The following WFDC8 variants were observed in gnomAD, a reference collection of about 807,000 sequenced individuals.
WFDC8 encodes WAP four-disulfide core domain protein 8.
Under a neutral mutation model 27.0 loss-of-function variants are expected in WFDC8, and 24 were observed. The ratio of observed to expected loss-of-function variants is 0.89; its 90% CI spans 0.64 to 1.25. WFDC8 has a LOEUF of 1.25. Among genes scored for constraint, WFDC8 ranks in the 50% most tolerant of loss-of-function variants. The pLI is 0.00. For missense variants in WFDC8, 287 were observed against 295.9 expected, an observed-to-expected ratio of 0.97 and a Z score of 0.22; for synonymous variants, 106 against 99.7, an observed-to-expected ratio of 1.06 and a Z score of -0.38.
chr20:45,559,051 A>T, intron 2 of WFDC8, 59 bp from the exon 3 acceptor site: 2 of 1,601,446 alleles, frequency 1.2e-6, no homozygotes, highest in African/African-American at 2.7e-5. Context: ...TTTTTCTCCT[A>T]TGGCAAAGGT....
At chr20:45,577,683 C>T (rs1398562644) in intron 1 of WFDC8, among the ~76,000 whole-genome samples, 1 of 148,246 alleles carries the variant, frequency 6.7e-6, no homozygotes, top group Non-Finnish European at 1.5e-5. Flanking sequence ...CAGGCATGAG[C>T]CACCGCGCCT....
intron 4 of WFDC8, among the ~76,000 whole-genome samples, chr20:45,555,020 C>T (rs1980187943): frequency 6.6e-6 from 1 of 152,220 alleles, no homozygotes; most frequent in African/African-American, 2.4e-5. Flanking sequence ...CACGGGACCA[C>T]CACTCTATCA....
At chr20:45,565,021 A>AAAGG (rs1555798554) in intron 1 of WFDC8, among the ~76,000 whole-genome samples, 3 of 146,648 alleles carry the variant, frequency 2.0e-5, no homozygotes, top group South Asian at 2.2e-4. Flanking sequence ...AAAGAGAAAG[A>AAAGG]AAGGAAGGAA....
At chr20:45,564,691 A>T (rs1207123981) in intron 1 of WFDC8, among the ~76,000 whole-genome samples, 1 of 140,798 alleles carries the variant, frequency 7.1e-6, no homozygotes, top group East Asian at 2.0e-4. Context: ...AAAAAAAAAA[A>T]CTTAGCCCAG....
At chr20:45,579,115 G>C (rs1981146926) in intron 1 of WFDC8, 107 bp downstream of exon 1, 1 of 1,086,268 alleles carries the variant, frequency 9.2e-7, no homozygotes. Context: ...ACTATGCTTG[G>C]CCCAACTCCC....
At chr20:45,555,588 A>C in intron 4 of WFDC8, 113 bp downstream of exon 4, 1 of 1,226,488 alleles carries the variant, frequency 8.2e-7, no homozygotes, top group Non-Finnish European at 1.1e-6. Flanking sequence ...AGTGAATGAC[A>C]GAGCTAAGTC....
intron 1 of WFDC8, among the ~76,000 whole-genome samples, chr20:45,572,396 C>CAA (rs768958375): frequency 0.021 from 1,012 of 49,140 alleles, 25 homozygotes; most frequent in Admixed American, 0.1. Context: ...GAATCCATCT[C>CAA]AAAAAAAAAA....
At chr20:45,553,616 T>A (rs1039121806) in intron 4 of WFDC8, among the ~76,000 whole-genome samples, 1 of 152,328 alleles carries the variant, frequency 6.6e-6, no homozygotes, top group Non-Finnish European at 1.5e-5. Context: ...GAAATGGGGA[T>A]CCATCACACT....
chr20:45,576,452 C>T (rs1166864309), intron 1 of WFDC8, among the ~76,000 whole-genome samples: 1 of 150,920 alleles, frequency 6.6e-6, no homozygotes, highest in South Asian at 2.1e-4. Flanking sequence ...CAGGGCGGAG[C>T]GCAGTGGCAC....
At chr20:45,553,429 G>T (rs1303978626) in intron 4 of WFDC8, among the ~76,000 whole-genome samples, 153 bp from the exon 5 acceptor site, 1 of 152,150 alleles carries the variant, frequency 6.6e-6, no homozygotes, top group South Asian at 2.1e-4. Context: ...AGAATGAAAT[G>T]TCTCATCATA....
In WFDC8 at chr20:45,551,881, G is replaced by T; in HGVS notation, c.*145C>A. On this transcript the variant is annotated 3_prime_UTR_variant, in exon 6 of 6. Transcript: ENST00000289953. ...AATATATCATCACTTTCAGATGATG[G>T]GATTATATATAAAATCAAAGTAACA... 1.0e-6 allele frequency: 1 copy of T among 997,944 alleles called. No individual in the cohort carries two copies. 61.8% of individuals were successfully genotyped at this position (997,944 alleles called of 1,614,324 possible).
At chr20:45,561,739 CGTGTGTGTGTGTGTGTGTGTGT>C (rs10534885) in intron 2 of WFDC8, among the ~76,000 whole-genome samples, 2 of 147,850 alleles carry the variant, frequency 1.4e-5, no homozygotes, top group South Asian at 2.2e-4. Context: ...ATTAAACTTG[CGTGTGTGTGTGTGTGTGTGTGT>C]GTGTGTGTGT....
intron 1 of WFDC8, 124 bp from the exon 2 acceptor site, chr20:45,562,343 C>A: frequency 2.7e-6 from 2 of 736,840 alleles, no homozygotes; most frequent in Non-Finnish European, 4.7e-6. Flanking sequence ...AGACTGACAC[C>A]AGCATGGGGA....
rs1980111080 is a variant in WFDC8, at chr20:45,553,266, T to C, written c.456A>G (p.Gly152=). 6.2e-7 allele frequency: 1 copy of C among 1,613,190 alleles called. No homozygotes were observed. The highest frequency in any genetic ancestry group is 1.7e-5 in the Admixed American group (1 of 59,904). The change falls in exon 5 of 6, where the codon GGA becomes GGG. Residue 152 remains glycine, a synonymous_variant. Transcript: ENST00000289953. ...RTACMLIVKD[G]QCPLFPFTER... Reference sequence around the variant, plus strand: ...CAGTGAAAGGGAAGAGTGGGCATTGTCCATCCTTAACTAAAATAAGAGCAG... The same window carrying C: ...CAGTGAAAGGGAAGAGTGGGCATTGCCCATCCTTAACTAAAATAAGAGCAG...
At chr20:45,575,350 A>G (rs1981006752) in intron 1 of WFDC8, among the ~76,000 whole-genome samples, 1 of 152,214 alleles carries the variant, frequency 6.6e-6, no homozygotes, top group Non-Finnish European at 1.5e-5. Context: ...TCAACATACA[A>G]AAATCAGCGG....
intron 3 of WFDC8, among the ~76,000 whole-genome samples, chr20:45,558,270 CT>C (rs1269744630): frequency 6.6e-6 from 1 of 152,232 alleles, no homozygotes; most frequent in Non-Finnish European, 1.5e-5. Flanking sequence ...CAGCTTCTTA[CT>C]GAAATGCCTC....
At chr20:45,565,165 G>T (rs888897250) in intron 1 of WFDC8, among the ~76,000 whole-genome samples, 2 of 151,512 alleles carry the variant, frequency 1.3e-5, no homozygotes, top group African/African-American at 4.8e-5. Flanking sequence ...AGGAAGGAAG[G>T]ACACACACCA....
intron 1 of WFDC8, among the ~76,000 whole-genome samples, chr20:45,569,735 T>C (rs1980804811): frequency 6.6e-6 from 1 of 152,184 alleles, no homozygotes; most frequent in Non-Finnish European, 1.5e-5. Flanking sequence ...CACCATTTAT[T>C]GAATAGGGAG....
chr20:45,555,052 A>T (rs1980189461), intron 4 of WFDC8, among the ~76,000 whole-genome samples: 1 of 152,226 alleles, frequency 6.6e-6, no homozygotes. Flanking sequence ...TTTAAATCAC[A>T]TATAATCCTG....
Sources: allele counts gnomAD v4.1 joint callset (sites outside exome capture counted in the v4.1 genomes callset), GRCh38; gene constraint gnomAD v4.1.1; transcripts MANE v1.5; gene names NCBI Gene and HGNC (gene_info 2026-07-23, HGNC 2026-07-21).